USP31: variants seen among roughly 807,000 people sequenced by gnomAD.
USP31 encodes the protein ubiquitin specific peptidase 31.
A neutral mutation model predicts 119.4 loss-of-function variants in USP31; 44 were observed. The ratio of observed to expected loss-of-function variants is 0.37; its 90% CI spans 0.29 to 0.47. The LOEUF is 0.47. Ranked by LOEUF, USP31 falls within the 20% of genes least tolerant of loss-of-function variation. The pLI is 0.99. For synonymous variants in USP31, 749 were observed against 705.6 expected, an observed-to-expected ratio of 1.06 and a Z score of -0.97; for missense variants, 1,643 against 1,730.2, an observed-to-expected ratio of 0.95 and a Z score of 0.89.
At chr16:23,086,388 T>G (rs1901109308) in intron 9 of USP31, among the ~76,000 whole-genome samples, 1 of 151,710 alleles carries the variant, frequency 6.6e-6, no homozygotes, top group African/African-American at 2.4e-5. Flanking sequence ...TATTATATAT[T>G]CATAGATACA....
In USP31 at chr16:23,067,610, C is replaced by T. The variant is rs1900127297; in HGVS notation, c.*436G>A. ...TTTTTAGAGCTCCTGGTGCCACCCA[C>T]AATCCACAGTAAGGACAAGTCCTGC... On this transcript the variant is annotated 3_prime_UTR_variant, in exon 16 of 16. Transcript: ENST00000219689. The T allele has an allele frequency of 6.5e-6, 1 of 154,954 alleles. No individual in the cohort carries two copies. The highest frequency in any genetic ancestry group is 1.4e-5 in the Non-Finnish European group (1 of 69,750). The allele number at this position is 154,954 out of a possible 1,614,324, so 9.6% of individuals were successfully genotyped here.
At position 23,148,540 on chromosome 16, in the gene USP31, C is replaced by G. The variant is rs1903598682; in HGVS notation, c.633+98G>C. The stretch of plus-strand genomic sequence containing the variant: ...CCACTCGGAGCAACCAATGCAGAAG[C>G]CTGCCGGGCCAAGAGGAACCGAGGG... On this transcript the variant is annotated intron_variant, in intron 1 of 15. Coordinates refer to ENST00000219689, the MANE Select transcript of USP31 (RefSeq NM_020718.4). 4 of 1,368,070 alleles carry G rather than the reference C, an allele frequency of 2.9e-6. No individual in the cohort carries two copies. The Admixed American group carries it at 1.2e-4, about 40-fold the overall frequency. The allele number at this position is 1,368,070 out of a possible 1,614,324, so 84.7% of individuals were successfully genotyped here.
chr16:23,117,615 A>G (rs1446499473), intron 1 of USP31, among the ~76,000 whole-genome samples: 1 of 152,250 alleles, frequency 6.6e-6, no homozygotes, highest in African/African-American at 2.4e-5. Flanking sequence ...TACAAGTAGC[A>G]AGAGAAGACT....
chr16:23,130,557 G>C (rs946490929), intron 1 of USP31, among the ~76,000 whole-genome samples: 2 of 152,190 alleles, frequency 1.3e-5, no homozygotes, highest in South Asian at 4.1e-4. Flanking sequence ...CGGAACTACA[G>C]GAGTTGGAAT....
rs770876213 is a variant in USP31, at chr16:23,064,252, C to T, written c.*3794G>A. On this transcript the variant is annotated 3_prime_UTR_variant, in exon 16 of 16. Coordinates refer to ENST00000219689, the MANE Select transcript of USP31 (RefSeq NM_020718.4). ...ATTGGAAACAATCACTTCGGCTGTTCAGTAATTTGTCCGAATGAAATGTAA... is the reference window on the plus strand; with the variant it reads ...ATTGGAAACAATCACTTCGGCTGTTTAGTAATTTGTCCGAATGAAATGTAA... 3 of 152,558 alleles carry T rather than the reference C, an allele frequency of 2.0e-5. No homozygotes were observed. Among genetic ancestry groups the T allele is most frequent in the Non-Finnish European group, 2.9e-5 (2 of 68,038 alleles). The allele number at this position is 152,558 out of a possible 1,614,324, so 9.5% of individuals were successfully genotyped here.
intron 1 of USP31, among the ~76,000 whole-genome samples, chr16:23,137,228 A>C (rs918095403): frequency 6.6e-6 from 1 of 151,862 alleles, no homozygotes; most frequent in African/African-American, 2.4e-5. Context: ...AACAAACAAA[A>C]AAAACAATGC....
chr16:23,062,179 G>C lies in USP31; in HGVS notation c.*5867C>G, dbSNP rs1222233927. 6.6e-6 allele frequency: 1 copy of C among 152,510 alleles called. No homozygotes were observed. The highest frequency in any genetic ancestry group is 1.5e-5 in the Non-Finnish European group (1 of 68,042). 9.4% of individuals were successfully genotyped at this position (152,510 alleles called of 1,614,324 possible). On this transcript the variant is annotated 3_prime_UTR_variant, in exon 16 of 16. Coordinates refer to ENST00000219689, the MANE Select transcript of USP31 (RefSeq NM_020718.4). ...TTGTGGTGTTTTGTAGGCAGCATGA[G>C]GCTCGACAGAATGAAACCATCAGAT...
intron 9 of USP31, 75 bp downstream of exon 9, chr16:23,087,017 A>C: frequency 8.9e-7 from 1 of 1,126,440 alleles, no homozygotes; most frequent in Non-Finnish European, 1.3e-6. Flanking sequence ...TGGAAATTAT[A>C]TAAGACATCA....
At position 23,087,077 on chromosome 16, in the gene USP31, A is replaced by C. The variant is rs781080792; in HGVS notation, c.1622+15T>G. 1.2e-6 allele frequency: 2 copies of C among 1,600,080 alleles called. No homozygotes were observed. The highest frequency in any genetic ancestry group is 2.2e-5 in the East Asian group (1 of 44,654). ...TGAGATTCTAAAAGGTAATTTAAAA[A>C]AAAATTTTTTTTACCTTTCTACTAT... On this transcript the variant is annotated intron_variant, in intron 9 of 15. Coordinates refer to ENST00000219689, the MANE Select transcript of USP31 (RefSeq NM_020718.4).
intron 13 of USP31, 167 bp from the exon 14 acceptor site, chr16:23,074,047 C>T: frequency 1.2e-6 from 1 of 822,606 alleles, no homozygotes; most frequent in Non-Finnish European, 1.9e-6. Flanking sequence ...CTGTATCACA[C>T]TCGAGCAAAA....
Position 23,066,671 on chromosome 16 carries a change from A to C in USP31, c.*1375T>G, listed in dbSNP as rs575476466. 2.0e-5 allele frequency: 3 copies of C among 152,304 alleles called. No individual in the cohort carries two copies. Among genetic ancestry groups the C allele is most frequent in the South Asian group, 2.1e-4 (1 of 4,816 alleles). The allele number at this position is 152,304 out of a possible 1,614,324, so 9.4% of individuals were successfully genotyped here. On this transcript the variant is annotated 3_prime_UTR_variant, in exon 16 of 16. Transcript: ENST00000219689. ...CTCTCTTGACATTTAAAAAAAAAAG[A>C]AAAGCTAAAAATTGAGCAGGAAAGT...
chr16:23,078,110 G>A (rs1355926251), intron 13 of USP31, among the ~76,000 whole-genome samples: 6 of 151,896 alleles, frequency 4.0e-5, no homozygotes, highest in Admixed American at 6.6e-5. Context: ...TCAGGAGATC[G>A]AGACCATCCT....
At chr16:23,081,923 G>A (rs753050340) in intron 12 of USP31, among the ~76,000 whole-genome samples, 6 of 152,218 alleles carry the variant, frequency 3.9e-5, no homozygotes, top group Non-Finnish European at 8.8e-5. Flanking sequence ...TGTGGAGTCC[G>A]CTAATGTTTA....
rs1368343011 is a variant in USP31, at chr16:23,061,503, GAAAT to G, written c.*6539_*6542del. 1.3e-5 allele frequency: 2 copies of G among 152,522 alleles called. No homozygotes were observed. The highest frequency in any genetic ancestry group is 2.9e-5 in the Non-Finnish European group (2 of 68,008). 9.4% of individuals were successfully genotyped at this position (152,522 alleles called of 1,614,324 possible). ...ATACTATATAATCAACGCTGTTTCA[GAAAT>G]AAAACGTTTCAAACGTAAAAATATA... On this transcript the variant is annotated 3_prime_UTR_variant, in exon 16 of 16. Coordinates refer to ENST00000219689, the MANE Select transcript of USP31 (RefSeq NM_020718.4).
At chr16:23,133,540 G>A (rs1205931203) in intron 1 of USP31, among the ~76,000 whole-genome samples, 1 of 152,078 alleles carries the variant, frequency 6.6e-6, no homozygotes. Flanking sequence ...TACAACATGG[G>A]GATTATCTGA....
At chr16:23,082,264 G>T (rs1222238314) in intron 12 of USP31, among the ~76,000 whole-genome samples, 174 bp downstream of exon 12, 1 of 152,038 alleles carries the variant, frequency 6.6e-6, no homozygotes, top group African/African-American at 2.4e-5. Context: ...TTTTGCCTTG[G>T]GAAAGAACAA....
Position 23,061,809 on chromosome 16 carries a change from C to T in USP31, c.*6237G>A, listed in dbSNP as rs1210002046. The T allele has an allele frequency of 1.3e-5, 2 of 152,544 alleles. No homozygotes were observed. The highest frequency in any genetic ancestry group is 4.8e-5 in the African/African-American group (2 of 41,416). The allele number at this position is 152,544 out of a possible 1,614,324, so 9.4% of individuals were successfully genotyped here. ...AGCTTTCAAGACAACTACAGAAATT[C>T]CAGTGTAAAAACTGAAGAGTTCAAT... On this transcript the variant is annotated 3_prime_UTR_variant, in exon 16 of 16. Coordinates refer to ENST00000219689, the MANE Select transcript of USP31 (RefSeq NM_020718.4).
At chr16:23,095,586 G>C (rs984200435) in intron 6 of USP31, among the ~76,000 whole-genome samples, 1 of 152,142 alleles carries the variant, frequency 6.6e-6, no homozygotes, top group African/African-American at 2.4e-5. Flanking sequence ...AAATGTTAAG[G>C]GCAGCCAGAG....
intron 13 of USP31, chr16:23,079,124 T>G (rs1312961583): frequency 3.3e-5 from 5 of 152,202 alleles, no homozygotes; most frequent in African/African-American, 1.2e-4. Flanking sequence ...TTAAAAAACT[T>G]GTAGAGATGG....
Sources: gnomAD v4.1 joint callset for allele counts (sites outside exome capture counted in the v4.1 genomes callset) on GRCh38, gnomAD v4.1.1 for gene constraint, MANE v1.5 for transcripts, NCBI Gene and HGNC (gene_info 2026-07-23, HGNC 2026-07-21) for gene names.